GRIA2: variants seen among roughly 807,000 people sequenced by gnomAD.
GRIA2 encodes glutamate receptor 2.
In GRIA2, 14 loss-of-function variants were observed where a neutral mutation model predicts 97.3. That is an observed-to-expected ratio of 0.14 (90% CI 0.10 to 0.23). The LOEUF (loss-of-function observed/expected upper bound fraction) is 0.23, where lower values mean the gene tolerates loss of function less well. GRIA2 is among the 10% of genes least tolerant of loss of function. The probability of loss-of-function intolerance (pLI) is 1.00; values close to 1 mark genes in which losing one functional copy is unlikely to be tolerated. For synonymous variants in GRIA2, 412 were observed against 387.8 expected (o/e 1.06, Z -0.73); for missense variants, 558 against 1,069.8 (o/e 0.52, Z 6.67).
chr4:157,240,110 A>G (rs1730437935), intron 2 of GRIA2, among the ~76,000 whole-genome samples: 1 of 152,128 alleles, frequency 6.6e-6, no homozygotes, highest in Non-Finnish European at 1.5e-5. Context: ...ACAATAGATT[A>G]TTTAAAACAA....
intron 5 of GRIA2, among the ~76,000 whole-genome samples, chr4:157,320,792 T>C (rs968756855): frequency 1.3e-5 from 2 of 152,118 alleles, no homozygotes; most frequent in African/African-American, 4.8e-5. Context: ...GTTGATAAAA[T>C]TCATGTCAGC....
intron 6 of GRIA2, among the ~76,000 whole-genome samples, chr4:157,324,951 G>A (rs1217843460): frequency 6.6e-6 from 1 of 152,128 alleles, no homozygotes; most frequent in African/African-American, 2.4e-5. Context: ...TCTTTTGGGT[G>A]ATCGACTGAA....
At position 157,303,272 on chromosome 4, in the gene GRIA2, T is replaced by C. The variant is rs925714418; in HGVS notation, c.230-280T>C. Among the ~76,000 whole-genome samples the C allele has an allele frequency of 3.3e-5, 5 of 152,228 alleles. No individual in the cohort carries two copies. In the East Asian group the frequency reaches 5.8e-4, roughly 18 times the overall value. On this transcript the variant is annotated intron_variant, in intron 2 of 15. Transcript: ENST00000264426. ...TTTTTACCCATACATTTTTCATATT[T>C]GTTCCTAAAATATGTTAATACTTAC...
chr4:157,360,971 T>A, intron 13 of GRIA2, 39 bp from the exon 14 acceptor site: 1 of 1,403,960 alleles, frequency 7.1e-7, no homozygotes, highest in Non-Finnish European at 1.0e-6. Context: ...GTCTAAAATT[T>A]GCTCACCCTG....
chr4:157,267,069 G>GA (rs1467415718), intron 2 of GRIA2, among the ~76,000 whole-genome samples: 1 of 151,246 alleles, frequency 6.6e-6, no homozygotes, highest in African/African-American at 2.4e-5. Context: ...TTTAAAAAAA[G>GA]AAAAAAAGGA....
intron 2 of GRIA2, among the ~76,000 whole-genome samples, chr4:157,222,551 G>T (rs553821494): frequency 4.7e-4 from 72 of 152,314 alleles, no homozygotes; most frequent in African/African-American, 1.7e-3. Context: ...TTAAGTTGGA[G>T]GGGGCGAGGC....
At chr4:157,305,686 T>A (rs566186970) in intron 3 of GRIA2, among the ~76,000 whole-genome samples, 1 of 152,224 alleles carries the variant, frequency 6.6e-6, no homozygotes, top group South Asian at 2.1e-4. Flanking sequence ...CCTTGAGAAC[T>A]GGGTTCATAT....
At chr4:157,277,509 T>C (rs1446122913) in intron 2 of GRIA2, among the ~76,000 whole-genome samples, 7 of 151,762 alleles carry the variant, frequency 4.6e-5, no homozygotes, top group Non-Finnish European at 1.0e-4. Flanking sequence ...CTTTTCAACA[T>C]AATAGTGGAA....
Position 157,321,561 on chromosome 4 carries a change from G to T in GRIA2, c.844G>T (p.Glu282Ter). Reference protein sequence around the residue: ...KFIERWSTLEEKEYPGAHTTT... With the variant: ...KFIERWSTLE The stretch of plus-strand genomic sequence containing the variant: ...TATAGAAAGATGGTCAACACTGGAA[G>T]AAAAAGAATACCCTGGAGCTCACAC... The change falls in exon 6 of 16, where the codon GAA (glutamate) becomes TAA (stop). Residue 282 changes from glutamate (E) to a stop codon, truncating the protein, a stop_gained. Coordinates refer to ENST00000264426, the MANE Select transcript of GRIA2 (RefSeq NM_001083619.3). LOFTEE classifies it high-confidence loss of function. 1 of 1,611,130 alleles carries T rather than the reference G, an allele frequency of 6.2e-7. No homozygotes were observed. The highest frequency in any genetic ancestry group is 1.1e-5 in the South Asian group (1 of 90,968).
At chr4:157,303,116 C>T (rs1462626968) in intron 2 of GRIA2, among the ~76,000 whole-genome samples, 1 of 152,052 alleles carries the variant, frequency 6.6e-6, no homozygotes, top group African/African-American at 2.4e-5. Context: ...TATGGAAGCA[C>T]ATTAACTTTT....
intron 13 of GRIA2, chr4:157,360,758 A>C: frequency 3.6e-6 from 2 of 561,478 alleles, no homozygotes; most frequent in Non-Finnish European, 6.8e-6. Context: ...ATGTGAGTAC[A>C]TTGCTGTAGA....
At chr4:157,344,096 C>A (rs530980015) in intron 12 of GRIA2, among the ~76,000 whole-genome samples, 72 of 152,014 alleles carry the variant, frequency 4.7e-4, no homozygotes, top group African/African-American at 1.6e-3. Flanking sequence ...GAGTCAATAA[C>A]TTTTTTCATA....
intron 5 of GRIA2, among the ~76,000 whole-genome samples, chr4:157,319,061 A>G (rs1422228740): frequency 2.0e-5 from 3 of 152,188 alleles, no homozygotes; most frequent in Non-Finnish European, 2.9e-5. Context: ...TCTGTTTGGC[A>G]ATGAAATGGG....
intron 12 of GRIA2, among the ~76,000 whole-genome samples, chr4:157,355,648 ATATATTTATTTATATTTATTTT>A (rs1481887516): frequency 4.6e-5 from 6 of 131,102 alleles, no homozygotes; most frequent in Admixed American, 8.6e-5. Context: ...ATATTTATTT[ATATATTTATTTATATTTATTTT>A]TATATATTTA....
intron 2 of GRIA2, among the ~76,000 whole-genome samples, chr4:157,285,504 C>T (rs1446151239): frequency 6.6e-6 from 1 of 151,294 alleles, no homozygotes; most frequent in Non-Finnish European, 1.5e-5. Flanking sequence ...ATATTTTCCT[C>T]CACTTTAAAA....
At chr4:157,236,560 A>C (rs2126706062) in intron 2 of GRIA2, among the ~76,000 whole-genome samples, 1 of 152,116 alleles carries the variant, frequency 6.6e-6, no homozygotes, top group South Asian at 2.1e-4. Context: ...TTTGTAGAAT[A>C]GTTTGCTATG....
At chr4:157,298,455 G>A (rs1733453791) in intron 2 of GRIA2, among the ~76,000 whole-genome samples, 2 of 151,936 alleles carry the variant, frequency 1.3e-5, no homozygotes, top group Admixed American at 1.3e-4. Context: ...TATCATGCAT[G>A]AGCAGGAAGG....
intron 2 of GRIA2, among the ~76,000 whole-genome samples, chr4:157,290,099 T>TA (rs1376914273): frequency 1.3e-5 from 2 of 152,040 alleles, no homozygotes; most frequent in Admixed American, 1.3e-4. Context: ...TCTTAGTTAT[T>TA]ACTTAAAAGA....
intron 2 of GRIA2, among the ~76,000 whole-genome samples, chr4:157,256,065 T>C: frequency 6.7e-6 from 1 of 148,560 alleles, no homozygotes; most frequent in East Asian, 2.0e-4. Flanking sequence ...TATGTGTGTG[T>C]AATACATATC....
Sources: allele counts gnomAD v4.1 joint callset (sites outside exome capture counted in the v4.1 genomes callset), GRCh38; gene constraint gnomAD v4.1.1; transcripts MANE v1.5; gene names NCBI Gene and HGNC (gene_info 2026-07-23, HGNC 2026-07-21).